Variants in FGF12 observed in about 807,000 individuals in gnomAD.
The protein encoded by FGF12 is fibroblast growth factor 12, also known as fibroblast growth factor 12B.
Under a neutral mutation model 23.6 loss-of-function variants are expected in FGF12, and 14 were observed. The ratio of observed to expected loss-of-function variants is 0.59; its 90% confidence interval spans 0.39 to 0.93. The LOEUF (loss-of-function observed/expected upper bound fraction) is 0.93. Among genes scored for constraint, FGF12 ranks in the 40% least tolerant of loss-of-function variants. The pLI is 0.00. For synonymous variants in FGF12, 62 were observed against 77.3 expected, an observed-to-expected ratio of 0.80 and a Z score of 1.04; for missense variants, 175 against 217.8, an observed-to-expected ratio of 0.80 and a Z score of 1.24.
At chr3:192,176,737 A>G (rs1715884112) in intron 4 of FGF12, among the ~76,000 whole-genome samples, 1 of 152,240 alleles carries the variant, frequency 6.6e-6, no homozygotes, top group Non-Finnish European at 1.5e-5. Flanking sequence ...AGTTTTTCCT[A>G]CATAATTAGC....
chr3:192,306,798 C>T (rs1013938329), intron 4 of FGF12, among the ~76,000 whole-genome samples: 1 of 152,114 alleles, frequency 6.6e-6, no homozygotes, highest in African/African-American at 2.4e-5. Context: ...ATAAGAGGGA[C>T]CTCTGGATAA....
rs2108776620 is a variant in FGF12, at chr3:192,408,731, C to T, written c.14-48193G>A. On this transcript the variant is annotated intron_variant, in intron 2 of 5. Coordinates refer to ENST00000445105, the MANE Select transcript of FGF12 (RefSeq NM_004113.6). This position sits in a 1 kb window ranked among gnomAD's most constrained non-coding sequence, Gnocchi z 7.3. ...GCAGAGTCTGGACCCAGGCGGGTAG[C>T]GCGCCCCCGGTAGAAAATACTAAAA... is the stretch of plus-strand genomic sequence containing the variant. 1.0e-5 allele frequency: 10 copies of T among 986,920 alleles called. No homozygotes were observed. Among genetic ancestry groups the T allele is most frequent in the Non-Finnish European group, 1.2e-5 (10 of 831,078 alleles). The allele number at this position is 986,920 out of a possible 1,614,324, so 61.1% of individuals were successfully genotyped here.
intron 2 of FGF12, among the ~76,000 whole-genome samples, chr3:192,549,904 G>T (rs1725589647): frequency 6.6e-6 from 1 of 152,082 alleles, no homozygotes; most frequent in East Asian, 1.9e-4. Flanking sequence ...TTGGACAGAA[G>T]CTACACAACA....
chr3:192,392,635 GAA>G (rs1720355970), intron 2 of FGF12, among the ~76,000 whole-genome samples: 2 of 71,422 alleles, frequency 2.8e-5, no homozygotes, highest in African/African-American at 5.3e-5. Context: ...AGAGAGAGAG[GAA>G]GGGAGGGAGG....
intron 2 of FGF12, among the ~76,000 whole-genome samples, chr3:192,444,851 A>C (rs1722304756): frequency 1.3e-5 from 2 of 152,244 alleles, no homozygotes; most frequent in Non-Finnish European, 2.9e-5. Context: ...TCTCTATCTT[A>C]GGGATTCTCT....
chr3:192,217,435 G>A (rs1718247230), intron 4 of FGF12, among the ~76,000 whole-genome samples: 2 of 152,144 alleles, frequency 1.3e-5, no homozygotes, highest in South Asian at 4.1e-4. Flanking sequence ...GTCTAATCCA[G>A]GGGAAGAAGT....
intron 2 of FGF12, among the ~76,000 whole-genome samples, chr3:192,721,719 C>T (rs1444404696): frequency 1.3e-5 from 2 of 152,104 alleles, no homozygotes; most frequent in African/African-American, 4.8e-5. Context: ...TCATAATAAC[C>T]TAAAGCAAGA....
At chr3:192,222,418 G>A (rs1446360401) in intron 4 of FGF12, among the ~76,000 whole-genome samples, 2 of 151,990 alleles carry the variant, frequency 1.3e-5, no homozygotes, top group East Asian at 1.9e-4. Flanking sequence ...GTAAACTCCC[G>A]AACATGATTA....
At chr3:192,313,167 TA>T (rs1716047965) in intron 4 of FGF12, among the ~76,000 whole-genome samples, 1 of 152,336 alleles carries the variant, frequency 6.6e-6, no homozygotes, top group South Asian at 2.1e-4. Context: ...TGTTTACATT[TA>T]TTTTTTTTAC....
At chr3:192,232,677 GT>G (rs1022053489) in intron 4 of FGF12, among the ~76,000 whole-genome samples, 1 of 151,926 alleles carries the variant, frequency 6.6e-6, no homozygotes, top group African/African-American at 2.4e-5. Flanking sequence ...TTGATAGGTA[GT>G]TTTTTTGACT....
chr3:192,497,159 C>T (rs1027852389), intron 2 of FGF12, among the ~76,000 whole-genome samples: 27 of 152,282 alleles, frequency 1.8e-4, no homozygotes, highest in African/African-American at 6.3e-4. Flanking sequence ...GCCGCCTCCA[C>T]CCCACAACAC....
intron 2 of FGF12, among the ~76,000 whole-genome samples, chr3:192,442,852 G>C (rs11926620): frequency 0.045 from 6,730 of 150,064 alleles, 520 homozygotes; most frequent in African/African-American, 0.16. Context: ...CTGTCACCCA[G>C]GATGGAGTGC....
intron 2 of FGF12, among the ~76,000 whole-genome samples, chr3:192,412,889 T>C (rs1484354202): frequency 6.6e-6 from 1 of 152,200 alleles, no homozygotes; most frequent in Non-Finnish European, 1.5e-5. Context: ...ATTTAAAGGG[T>C]TATGTCCCAG....
intron 3 of FGF12, among the ~76,000 whole-genome samples, chr3:192,345,686 CAA>C (rs532522064): frequency 6.1e-5 from 2 of 32,630 alleles, no homozygotes; most frequent in Non-Finnish European, 9.0e-5. Flanking sequence ...GACTCCGTCT[CAA>C]AAAAAAAAAA....
chr3:192,243,700 A>C (rs550070807), intron 4 of FGF12, among the ~76,000 whole-genome samples: 23 of 152,092 alleles, frequency 1.5e-4, no homozygotes, highest in Admixed American at 3.9e-4. Flanking sequence ...TATAAAAAAA[A>C]GATTAATAAA....
At chr3:192,185,004 G>C (rs1048010568) in intron 4 of FGF12, among the ~76,000 whole-genome samples, 1 of 151,962 alleles carries the variant, frequency 6.6e-6, no homozygotes, top group African/African-American at 2.4e-5. Flanking sequence ...TATTTCATTT[G>C]TTGTTACTAC....
At chr3:192,302,111 G>C (rs139076948) in intron 4 of FGF12, among the ~76,000 whole-genome samples, 1 of 152,288 alleles carries the variant, frequency 6.6e-6, no homozygotes, top group East Asian at 1.9e-4. Context: ...GAACAATCAA[G>C]TGACAGGGAG....
chr3:192,425,856 T>G (rs1464525877), intron 2 of FGF12, among the ~76,000 whole-genome samples: 1 of 152,196 alleles, frequency 6.6e-6, no homozygotes, highest in East Asian at 1.9e-4. Flanking sequence ...TCAGATTCAT[T>G]CATTACATTA....
chr3:192,550,362 T>C (rs1404314124), intron 2 of FGF12, among the ~76,000 whole-genome samples: 1 of 149,840 alleles, frequency 6.7e-6, no homozygotes, highest in Non-Finnish European at 1.5e-5. Context: ...TATAATAGAT[T>C]ATATGTGTGT....
Sources: gnomAD v4.1 joint callset for allele counts (sites outside exome capture counted in the v4.1 genomes callset) on GRCh38, gnomAD v4.1.1 for gene constraint, Gnocchi (gnomAD v3.1) non-coding constraint, MANE v1.5 for transcripts, NCBI Gene and HGNC (gene_info 2026-07-23, HGNC 2026-07-21) for gene names.